FER1L6: variants seen among roughly 807,000 people sequenced by gnomAD.
FER1L6 encodes fer-1 like family member 6, also known as fer-1-like protein 6.
In FER1L6, 177 loss-of-function variants were observed where a neutral mutation model predicts 219.2. That is an observed-to-expected ratio of 0.81 (90% CI 0.71 to 0.91). The LOEUF (loss-of-function observed/expected upper bound fraction) is 0.91, where lower values mean the gene tolerates loss of function less well. Ranked by LOEUF, FER1L6 falls within the 40% of genes least tolerant of loss-of-function variation. The probability of loss-of-function intolerance (pLI) is 0.00; values close to 1 mark genes in which losing one functional copy is unlikely to be tolerated. For missense variants in FER1L6, 2,153 were observed against 2,259.9 expected, an observed-to-expected ratio of 0.95 and a Z score of 0.96; for synonymous variants, 768 against 824.3, an observed-to-expected ratio of 0.93 and a Z score of 1.17.
chr8:124,115,923 A>G (rs1823226871), intron 39 of FER1L6, among the ~76,000 whole-genome samples: 1 of 152,216 alleles, frequency 6.6e-6, no homozygotes, highest in African/African-American at 2.4e-5. Flanking sequence ...ATGCCATGCT[A>G]TGCTATAATA....
chr8:124,062,397 G>A (rs1438589996), intron 25 of FER1L6, among the ~76,000 whole-genome samples: 3 of 152,072 alleles, frequency 2.0e-5, no homozygotes, highest in Admixed American at 2.0e-4. Flanking sequence ...ATCATCACTG[G>A]TCTATTCAAA....
chr8:124,031,317 G>A (rs945776614), intron 18 of FER1L6, among the ~76,000 whole-genome samples: 9 of 152,158 alleles, frequency 5.9e-5, no homozygotes, highest in Non-Finnish European at 8.8e-5. Context: ...AAAATAGGGG[G>A]AAATCATCCA....
intron 1 of FER1L6, among the ~76,000 whole-genome samples, chr8:123,924,415 G>A (rs1475299987): frequency 6.6e-6 from 1 of 151,726 alleles, no homozygotes; most frequent in African/African-American, 2.4e-5. Flanking sequence ...GGCGGCAGAT[G>A]CCTGCAATCC....
intron 1 of FER1L6, among the ~76,000 whole-genome samples, chr8:123,860,378 CAT>C (rs1816725962): frequency 1.0e-5 from 1 of 98,804 alleles, no homozygotes; most frequent in South Asian, 4.1e-4. Context: ...TCCAGTCTAT[CAT>C]TGTTGGACAT....
intron 1 of FER1L6, among the ~76,000 whole-genome samples, chr8:123,895,623 C>G (rs1387260900): frequency 1.3e-5 from 2 of 152,058 alleles, no homozygotes; most frequent in African/African-American, 4.8e-5. Flanking sequence ...AACAAAAAAA[C>G]AAAGCTGAAT....
chr8:124,039,889 T>G lies in FER1L6; in HGVS notation c.2472T>G (p.His824Gln), dbSNP rs890876364. 2.5e-6 allele frequency: 4 copies of G among 1,614,004 alleles called. No individual in the cohort carries two copies. Among genetic ancestry groups the G allele is most frequent in the Non-Finnish European group, 3.4e-6 (4 of 1,179,986 alleles). ...TCCATGATTTGTCCACAGAACAGCA[T>G]GTTTTTCAGCTGAGGGCTCACATGT... ...PPSNLLYQEQ[H>Q]VFQLRAHMYQ... Residue 824 changes from histidine to glutamine, a missense_variant, in exon 20 of 41, where the codon CAT (histidine) becomes CAG (glutamine). Coordinates refer to ENST00000522917, the MANE Select transcript of FER1L6 (RefSeq NM_001039112.2).
chr8:123,975,971 G>C lies in FER1L6; in HGVS notation c.757G>C (p.Glu253Gln). Residue 253 changes from glutamate (E) to glutamine (Q), a missense_variant, in exon 9 of 41, where the codon GAA (glutamate) becomes CAA (glutamine). Coordinates refer to ENST00000522917, the MANE Select transcript of FER1L6 (RefSeq NM_001039112.2). The part of the protein sequence containing the change: ...ARFYVRLYKA[E>Q]GLPKMNSSIM... ...ATTCTATGTGAGACTCTACAAAGCA[G>C]AAGGGTTGCCCAAAATGAATTCAAG... The C allele has an allele frequency of 4.3e-6, 7 of 1,614,062 alleles. No individual in the cohort carries two copies. The highest frequency in any genetic ancestry group is 5.9e-6 in the Non-Finnish European group (7 of 1,179,966).
At chr8:124,036,876 G>T (rs1819240388) in intron 19 of FER1L6, among the ~76,000 whole-genome samples, 2 of 152,192 alleles carry the variant, frequency 1.3e-5, no homozygotes, top group Non-Finnish European at 2.9e-5. Context: ...ACCTACTGGA[G>T]AATTTTGTGC....
In FER1L6 at chr8:124,045,858, C is replaced by T; in HGVS notation, c.2681C>T (p.Ser894Phe). 1 of 1,613,998 alleles carries T rather than the reference C, an allele frequency of 6.2e-7. No individual in the cohort carries two copies. Among genetic ancestry groups the T allele is most frequent in the East Asian group, 2.2e-5 (1 of 44,880 alleles). The part of the protein sequence containing the change: ...LHGDVKELAE[S>F]PPLVVVELYD... ...GGAGATGTGAAGGAGCTGGCAGAGT[C>T]CCCGCCCTTAGTGGTGGTGGAGCTG... is the stretch of plus-strand genomic sequence containing the variant. Residue 894 changes from serine (S) to phenylalanine (F), a missense_variant, in exon 21 of 41, where the codon TCC (serine) becomes TTC (phenylalanine). Ser to Phe is a radical substitution (Grantham distance 155, BLOSUM62 -2). Coordinates refer to ENST00000522917, the MANE Select transcript of FER1L6 (RefSeq NM_001039112.2).
chr8:124,017,448 G>A (rs776546454), intron 15 of FER1L6, among the ~76,000 whole-genome samples, 180 bp from the exon 16 acceptor site: 7 of 152,142 alleles, frequency 4.6e-5, no homozygotes, highest in Non-Finnish European at 8.8e-5. Context: ...ATCATTTCCA[G>A]TTATCATTTT....
At chr8:124,028,486 C>T (rs1818808756) in intron 18 of FER1L6, among the ~76,000 whole-genome samples, 1 of 149,820 alleles carries the variant, frequency 6.7e-6, no homozygotes, top group African/African-American at 2.5e-5. Flanking sequence ...AGTATTCCCT[C>T]ATCTGCCACT....
Position 123,957,745 on chromosome 8 carries a change from G to A in FER1L6, c.76+1671G>A, listed in dbSNP as rs189459006. ...AAGCTGGCGGATACCTAGGGCAGTC[G>A]ACCACAGGCATTTCAGAGGAGTTTG... On this transcript the variant is annotated intron_variant, in intron 2 of 40. Coordinates refer to ENST00000522917, the MANE Select transcript of FER1L6 (RefSeq NM_001039112.2). Among the ~76,000 whole-genome samples the A allele has an allele frequency of 7.7e-4, 117 of 152,228 alleles. 2 individuals are homozygous for A. The highest frequency in any genetic ancestry group is 2.7e-3 in the East Asian group (14 of 5,182).
intron 1 of FER1L6, among the ~76,000 whole-genome samples, chr8:123,924,536 A>C (rs1171125670): frequency 4.7e-3 from 1 of 214 alleles, no homozygotes; most frequent in Non-Finnish European, 0.038. Flanking sequence ...CTCCATCTCA[A>C]AAAAAAAAAA....
intron 11 of FER1L6, chr8:123,985,828 A>G (rs775564970): frequency 4.3e-5 from 17 of 394,970 alleles, no homozygotes; most frequent in Non-Finnish European, 6.8e-5. Context: ...GTTTTGTTTT[A>G]AGGTAGAAGC....
chr8:123,933,571 G>A (rs1309027180), intron 1 of FER1L6, among the ~76,000 whole-genome samples: 1 of 152,232 alleles, frequency 6.6e-6, no homozygotes, highest in Non-Finnish European at 1.5e-5. Context: ...GCACAGGTCT[G>A]AGTGTGTTGG....
chr8:123,978,768 A>G (rs1816201808), intron 10 of FER1L6, among the ~76,000 whole-genome samples: 1 of 152,200 alleles, frequency 6.6e-6, no homozygotes, highest in Admixed American at 6.6e-5. Flanking sequence ...AGAGCAGTAA[A>G]CAAGATTTAC....
intron 1 of FER1L6, among the ~76,000 whole-genome samples, chr8:123,854,015 C>T (rs1056632647): frequency 2.0e-5 from 3 of 152,118 alleles, no homozygotes; most frequent in African/African-American, 7.2e-5. Flanking sequence ...GAGTGCTGGC[C>T]CTTCAGTAAA....
At chr8:124,018,437 G>T (rs6470208) in intron 16 of FER1L6, among the ~76,000 whole-genome samples, 1 of 152,090 alleles carries the variant, frequency 6.6e-6, no homozygotes, top group African/African-American at 2.4e-5. Context: ...CTAAAACCCA[G>T]GTCTCCTAAC....
intron 1 of FER1L6, among the ~76,000 whole-genome samples, chr8:123,865,654 C>T (rs2130264573): frequency 6.6e-6 from 1 of 151,408 alleles, no homozygotes; most frequent in African/African-American, 2.5e-5. Flanking sequence ...GTAGGACCCT[C>T]CGAGCCAGGT....
Sources: gnomAD v4.1 joint callset for allele counts (sites outside exome capture counted in the v4.1 genomes callset) on GRCh38, gnomAD v4.1.1 for gene constraint, MANE v1.5 for transcripts, NCBI Gene and HGNC (gene_info 2026-07-23, HGNC 2026-07-21) for gene names.